The following PIBF1 variants were observed in gnomAD, a reference collection of about 807,000 sequenced individuals.
PIBF1 encodes progesterone immunomodulatory binding factor 1, also known as progesterone-induced-blocking factor 1.
A neutral mutation model predicts 112.5 loss-of-function variants in PIBF1; 90 were observed. The ratio of observed to expected loss-of-function variants is 0.80; its 90% CI spans 0.67 to 0.95. The LOEUF (loss-of-function observed/expected upper bound fraction) is 0.95, where lower values mean the gene tolerates loss of function less well. Ranked by LOEUF, PIBF1 falls within the 40% of genes least tolerant of loss-of-function variation. The pLI is 0.00. For synonymous variants in PIBF1, 301 were observed against 288.6 expected (o/e 1.04, Z -0.44); for missense variants, 915 against 852.3 (o/e 1.07, Z -0.92).
At chr13:72,793,495 A>C (rs188590850) in intron 3 of PIBF1, among the ~76,000 whole-genome samples, 1 of 152,246 alleles carries the variant, frequency 6.6e-6, no homozygotes, top group East Asian at 1.9e-4. Context: ...GAGAATGTGC[A>C]TTTTTACTGG....
chr13:72,790,421 T>TCACACA (rs57599910), intron 2 of PIBF1, among the ~76,000 whole-genome samples: 9,642 of 135,484 alleles, frequency 0.071, 405 homozygotes, highest in Non-Finnish European at 0.091. Context: ...GAGGAGTCCA[T>TCACACA]CACACACACA....
At chr13:72,942,350 CT>C (rs2042037020) in intron 14 of PIBF1, among the ~76,000 whole-genome samples, 1 of 149,864 alleles carries the variant, frequency 6.7e-6, no homozygotes, top group Non-Finnish European at 1.5e-5. Flanking sequence ...TGATACAATG[CT>C]TTGCTATTAC....
chr13:72,935,865 T>C (rs2041857245), intron 14 of PIBF1, among the ~76,000 whole-genome samples: 1 of 152,152 alleles, frequency 6.6e-6, no homozygotes, highest in South Asian at 2.1e-4. Flanking sequence ...ATTTTTTGTC[T>C]GTTTTATCAG....
intron 8 of PIBF1, among the ~76,000 whole-genome samples, chr13:72,832,840 C>G (rs1218447748): frequency 1.3e-5 from 2 of 152,190 alleles, no homozygotes; most frequent in African/African-American, 4.8e-5. Context: ...GGGAAGTTCT[C>G]CTGGATAATA....
At chr13:72,869,622 T>TA (rs1165393538) in intron 10 of PIBF1, among the ~76,000 whole-genome samples, 1,863 of 134,322 alleles carry the variant, frequency 0.014, 36 homozygotes, top group African/African-American at 0.044. Context: ...ATAATAATAA[T>TA]AATAAAAAAT....
intron 10 of PIBF1, among the ~76,000 whole-genome samples, chr13:72,856,377 C>G (rs1240661177): frequency 6.6e-6 from 1 of 152,064 alleles, no homozygotes; most frequent in East Asian, 1.9e-4. Context: ...TAGGAGGAGG[C>G]TTATTTTTAA....
At chr13:72,923,965 A>C (rs2041392007) in intron 13 of PIBF1, among the ~76,000 whole-genome samples, 1 of 151,934 alleles carries the variant, frequency 6.6e-6, no homozygotes, top group African/African-American at 2.4e-5. Flanking sequence ...ACTCTAACTC[A>C]AAAAAAAATT....
intron 2 of PIBF1, among the ~76,000 whole-genome samples, chr13:72,786,818 C>T (rs1462644071): frequency 1.3e-5 from 2 of 152,198 alleles, no homozygotes; most frequent in East Asian, 3.8e-4. Context: ...CTTGAAGACT[C>T]TTTAGGAATA....
intron 14 of PIBF1, among the ~76,000 whole-genome samples, chr13:72,935,417 G>A (rs906907870): frequency 6.6e-6 from 1 of 152,058 alleles, no homozygotes. Context: ...ATTTCGTTGT[G>A]TGGAAGTACC....
chr13:72,935,515 G>A (rs1475813997), intron 14 of PIBF1, among the ~76,000 whole-genome samples: 1 of 152,120 alleles, frequency 6.6e-6, no homozygotes, highest in East Asian at 1.9e-4. Flanking sequence ...TCACATACAA[G>A]TCTTTGTATG....
intron 15 of PIBF1, among the ~76,000 whole-genome samples, chr13:72,972,450 G>A (rs936443828): frequency 5.3e-5 from 8 of 152,142 alleles, no homozygotes; most frequent in African/African-American, 1.9e-4. Context: ...GATCACGTGA[G>A]GTCAGGAATT....
intron 14 of PIBF1, among the ~76,000 whole-genome samples, 165 bp from the exon 15 acceptor site, chr13:72,965,109 A>G (rs1442915056): frequency 6.6e-6 from 1 of 152,238 alleles, no homozygotes; most frequent in African/African-American, 2.4e-5. Context: ...TATTAAGAAT[A>G]GCTATATTGA....
chr13:72,952,127 T>C (rs2042317545), intron 14 of PIBF1, among the ~76,000 whole-genome samples: 1 of 147,480 alleles, frequency 6.8e-6, no homozygotes, highest in South Asian at 2.2e-4. Context: ...CTCTGTCTCC[T>C]CAGTTCAAGC....
rs1405950018 is a variant in PIBF1, at chr13:72,839,127, CATAAGCCTGTT to C, written c.1223+3761_1223+3771del. Among the ~76,000 whole-genome samples the C allele has an allele frequency of 5.9e-5, 9 of 152,270 alleles. No individual in the cohort carries two copies. The East Asian group carries it at 7.7e-4, about 13-fold the overall frequency. ...TAATGTAGAGAATAGATTGGAATGGCATAAGCCTGTTAGACAGAGAGGGTCTACTTTTAGAG... is the reference window on the plus strand; with the variant it reads ...TAATGTAGAGAATAGATTGGAATGGCAGACAGAGAGGGTCTACTTTTAGAG... On this transcript the variant is annotated intron_variant, in intron 9 of 17. Coordinates refer to ENST00000326291, the MANE Select transcript of PIBF1 (RefSeq NM_006346.4).
At chr13:72,947,297 G>A (rs184812558) in intron 14 of PIBF1, among the ~76,000 whole-genome samples, 23 of 152,280 alleles carry the variant, frequency 1.5e-4, no homozygotes, top group Admixed American at 1.4e-3. Context: ...AGTCATGGCT[G>A]GAGCTGAAGC....
intron 5 of PIBF1, among the ~76,000 whole-genome samples, chr13:72,799,921 AT>A (rs1377916611): frequency 1.3e-5 from 2 of 152,166 alleles, no homozygotes; most frequent in African/African-American, 2.4e-5. Flanking sequence ...TCCTCAGGCC[AT>A]TCTTAGAGTT....
chr13:72,955,577 A>G (rs958374917), intron 14 of PIBF1, among the ~76,000 whole-genome samples: 2 of 152,116 alleles, frequency 1.3e-5, no homozygotes, highest in African/African-American at 2.4e-5. Flanking sequence ...GAGCTATTTG[A>G]AAATCACAAT....
At chr13:72,944,093 A>G (rs2042083914) in intron 14 of PIBF1, among the ~76,000 whole-genome samples, 1 of 152,004 alleles carries the variant, frequency 6.6e-6, no homozygotes, top group African/African-American at 2.4e-5. Flanking sequence ...AAATCTGGCA[A>G]TTTTTAAAGG....
chr13:72,888,562 G>A (rs2039942647), intron 10 of PIBF1, among the ~76,000 whole-genome samples: 1 of 152,062 alleles, frequency 6.6e-6, no homozygotes, highest in Non-Finnish European at 1.5e-5. Flanking sequence ...GAAGCACTGT[G>A]TATAATGCTT....
Sources: gnomAD v4.1 joint callset for allele counts (sites outside exome capture counted in the v4.1 genomes callset) on GRCh38, gnomAD v4.1.1 for gene constraint, MANE v1.5 for transcripts, NCBI Gene and HGNC (gene_info 2026-07-23, HGNC 2026-07-21) for gene names.